Variants in ARHGAP24 observed in about 807,000 individuals in gnomAD.
ARHGAP24 encodes Rho GTPase activating protein 24, also known as rho GTPase-activating protein 24.
In ARHGAP24, 50 loss-of-function variants were observed where a neutral mutation model predicts 76.4. The observed-to-expected ratio is 0.65, with a 90% CI of 0.52 to 0.83. ARHGAP24 has a LOEUF of 0.83. Ranked by LOEUF, ARHGAP24 falls within the 40% of genes least tolerant of loss-of-function variation. The pLI is 0.00. For synonymous variants in ARHGAP24, 345 were observed against 323.3 expected, an observed-to-expected ratio of 1.07 and a Z score of -0.72; for missense variants, 930 against 914.2, an observed-to-expected ratio of 1.02 and a Z score of -0.22.
intron 3 of ARHGAP24, among the ~76,000 whole-genome samples, chr4:85,852,757 CTGTT>C (rs1386869581): frequency 6.6e-6 from 1 of 152,234 alleles, no homozygotes; most frequent in African/African-American, 2.4e-5. Context: ...ACTCCAGACA[CTGTT>C]TGCCTGGGTA....
At chr4:85,611,893 A>G (rs1423342013) in intron 2 of ARHGAP24, among the ~76,000 whole-genome samples, 1 of 152,188 alleles carries the variant, frequency 6.6e-6, no homozygotes, top group Non-Finnish European at 1.5e-5. Context: ...CAGATATTTA[A>G]TTATAATCCC....
intron 4 of ARHGAP24, among the ~76,000 whole-genome samples, chr4:85,938,489 A>G (rs1736779829): frequency 1.3e-5 from 2 of 152,206 alleles, no homozygotes; most frequent in Admixed American, 6.5e-5. Flanking sequence ...TTTTTTTAAA[A>G]TGATTTTTCC....
intron 3 of ARHGAP24, among the ~76,000 whole-genome samples, chr4:85,866,722 C>G (rs1732220925): frequency 6.6e-6 from 1 of 152,092 alleles, no homozygotes; most frequent in Non-Finnish European, 1.5e-5. Flanking sequence ...CCCACACCTC[C>G]CTTCCCCTGT....
chr4:85,600,674 C>T (rs967135276), intron 2 of ARHGAP24, among the ~76,000 whole-genome samples: 2 of 152,210 alleles, frequency 1.3e-5, no homozygotes, highest in East Asian at 3.8e-4. Flanking sequence ...AATTTCTGTG[C>T]TAAGCTACTC....
chr4:85,947,072 C>CT (rs1560737803), intron 5 of ARHGAP24, among the ~76,000 whole-genome samples: 2 of 152,138 alleles, frequency 1.3e-5, no homozygotes, highest in East Asian at 3.8e-4. Context: ...ATGCATTTCT[C>CT]TGATGATTGG....
At chr4:85,977,733 T>A in intron 8 of ARHGAP24, 42 bp downstream of exon 8, 2 of 1,605,300 alleles carry the variant, frequency 1.2e-6, no homozygotes, top group Non-Finnish European at 1.7e-6. Flanking sequence ...AAAGAAGAAG[T>A]AATTATCTCT....
chr4:85,507,266 G>C (rs1402061946), intron 1 of ARHGAP24, among the ~76,000 whole-genome samples: 2 of 151,920 alleles, frequency 1.3e-5, no homozygotes, highest in African/African-American at 4.8e-5. Context: ...CTGTCACCCA[G>C]GCTGGAGTGC....
At chr4:85,556,644 G>T (rs563159673) in intron 1 of ARHGAP24, among the ~76,000 whole-genome samples, 2 of 152,272 alleles carry the variant, frequency 1.3e-5, no homozygotes, top group Admixed American at 6.5e-5. Context: ...CATATTGGGG[G>T]CCCAGGTCAA....
At chr4:85,776,333 A>G (rs1727308240) in intron 3 of ARHGAP24, among the ~76,000 whole-genome samples, 1 of 152,182 alleles carries the variant, frequency 6.6e-6, no homozygotes, top group Admixed American at 6.5e-5. Flanking sequence ...CCACAGGGCA[A>G]ATCTTCAAAA....
intron 2 of ARHGAP24, among the ~76,000 whole-genome samples, chr4:85,686,968 C>G (rs1439040771): frequency 6.6e-6 from 1 of 151,956 alleles, no homozygotes; most frequent in African/African-American, 2.4e-5. Flanking sequence ...CCATTAACTT[C>G]TTTGTATCCC....
chr4:85,598,638 G>A (rs1466700119), intron 2 of ARHGAP24, among the ~76,000 whole-genome samples: 1 of 151,776 alleles, frequency 6.6e-6, no homozygotes, highest in African/African-American at 2.4e-5. Flanking sequence ...CTCATATAGT[G>A]TTAATCATGA....
chr4:85,662,077 C>G (rs994161583), intron 2 of ARHGAP24, among the ~76,000 whole-genome samples: 3 of 152,178 alleles, frequency 2.0e-5, no homozygotes, highest in Admixed American at 6.5e-5. Context: ...TTCTAGATCC[C>G]TGAGGAATCG....
At chr4:85,977,714 C>A (rs776374791) in intron 8 of ARHGAP24, 23 bp downstream of exon 8, 4 of 1,611,462 alleles carry the variant, frequency 2.5e-6, no homozygotes, top group Admixed American at 1.7e-5. Context: ...TTATCTTATA[C>A]CCTTATCAAA....
At chr4:85,895,839 G>T (rs1162233902) in intron 3 of ARHGAP24, among the ~76,000 whole-genome samples, 1 of 152,052 alleles carries the variant, frequency 6.6e-6, no homozygotes, top group East Asian at 1.9e-4. Flanking sequence ...TCAGTGTTTT[G>T]TTTCTAGGCT....
In ARHGAP24 at chr4:85,745,802, T is replaced by C. The variant is rs554546695; in HGVS notation, c.268+23830T>C. ...CATGCTAAATAAAGTCCTGGAGAAG[T>C]TTGTTGGAGGGAAAATTTCTATTAC... On this transcript the variant is annotated intron_variant, in intron 3 of 9. Transcript: ENST00000395184. Among the ~76,000 whole-genome samples the C allele has an allele frequency of 3.3e-5, 5 of 152,020 alleles. No individual in the cohort carries two copies. In the South Asian group the frequency reaches 1.0e-3, roughly 32 times the overall value.
At chr4:85,961,791 T>TACAC (rs1054393817) in intron 5 of ARHGAP24, among the ~76,000 whole-genome samples, 1 of 151,836 alleles carries the variant, frequency 6.6e-6, no homozygotes, top group African/African-American at 2.4e-5. Flanking sequence ...CACACGTGCA[T>TACAC]ACACACACAC....
chr4:85,893,767 G>A (rs547788256), intron 3 of ARHGAP24, among the ~76,000 whole-genome samples: 7 of 151,598 alleles, frequency 4.6e-5, no homozygotes, highest in Admixed American at 2.6e-4. Flanking sequence ...AGGGTAACCG[G>A]ACCTTTCTCT....
chr4:85,889,152 A>G (rs1733738931), intron 3 of ARHGAP24, among the ~76,000 whole-genome samples: 1 of 152,230 alleles, frequency 6.6e-6, no homozygotes, highest in South Asian at 2.1e-4. Context: ...AAGAGAATGA[A>G]TATCCCACAC....
Position 85,750,371 on chromosome 4 carries a change from G to A in ARHGAP24, c.268+28399G>A, listed in dbSNP as rs569224323. Among the ~76,000 whole-genome samples the A allele has an allele frequency of 3.9e-5, 6 of 152,042 alleles. No individual in the cohort carries two copies. In the South Asian group the frequency reaches 1.2e-3, roughly 32 times the overall value. On this transcript the variant is annotated intron_variant, in intron 3 of 9. Transcript: ENST00000395184. ...GGAGCATTAGGAACCCAGGAGACTGGGAGGGTCAAGATGACTTGTTATCTT... is the reference window on the plus strand; with the variant it reads ...GGAGCATTAGGAACCCAGGAGACTGAGAGGGTCAAGATGACTTGTTATCTT...
Sources: gnomAD v4.1 joint callset for allele counts (sites outside exome capture counted in the v4.1 genomes callset) on GRCh38, gnomAD v4.1.1 for gene constraint, MANE v1.5 for transcripts, NCBI Gene and HGNC (gene_info 2026-07-23, HGNC 2026-07-21) for gene names.